Variants in PDE12 observed in about 807,000 individuals in gnomAD.
PDE12 encodes 2',5'-phosphodiesterase 12.
A neutral mutation model predicts 45.4 loss-of-function variants in PDE12; 26 were observed. That is an observed-to-expected ratio of 0.57 (90% CI 0.42 to 0.79). PDE12 has a LOEUF of 0.79. PDE12 is among the 30% of genes least tolerant of loss of function. The pLI, the probability that PDE12 is intolerant of heterozygous loss-of-function variation, is 0.00. For missense variants in PDE12, 668 were observed against 790.0 expected (o/e 0.85, Z 1.85); for synonymous variants, 283 against 323.9 (o/e 0.87, Z 1.36).
At chr3:57,605,618 C>T in the PDE12 span, among the ~76,000 whole-genome samples, 10 of 151,986 alleles carry the variant, frequency 6.6e-5, no homozygotes, top group South Asian at 4.2e-4. Flanking sequence ...TAGAACAAAC[C>T]GCACAAGGAT....
Position 57,560,849 on chromosome 3 carries a change from AGG to A in PDE12, c.*847_*848del. On this transcript the variant is annotated 3_prime_UTR_variant, in exon 3 of 3. Transcript: ENST00000311180. Reference sequence around the variant, plus strand: ...CTTGACACATGGAAGGAGTAACATTAGGGTCTACCTCTACCTCAATTTAGTTA... The same window carrying A: ...CTTGACACATGGAAGGAGTAACATTAGTCTACCTCTACCTCAATTTAGTTA... The A allele has an allele frequency of 5.1e-6, 5 of 985,360 alleles. No homozygotes were observed. Among genetic ancestry groups the A allele is most frequent in the Non-Finnish European group, 6.0e-6 (5 of 829,454 alleles). The allele number at this position is 985,360 out of a possible 1,614,324, so 61.0% of individuals were successfully genotyped here. A position where few individuals can be genotyped will look rare whatever the true frequency, so the allele number is the denominator to read the frequency against.
At chr3:57,616,378 G>A in the PDE12 span, among the ~76,000 whole-genome samples, 3 of 147,332 alleles carry the variant, frequency 2.0e-5, no homozygotes, top group African/African-American at 5.0e-5. Context: ...GGAGGCAGGG[G>A]GGAGGAGGAG....
At chr3:57,636,936 CAAAA>C in the PDE12 span, among the ~76,000 whole-genome samples, 2 of 52,004 alleles carry the variant, frequency 3.8e-5, no homozygotes, top group East Asian at 6.4e-4. Flanking sequence ...GACTCTGTCT[CAAAA>C]AAAAAAAAAA....
In PDE12 at chr3:57,560,471, G is replaced by A. The variant is rs1979074; in HGVS notation, c.*467G>A. ...TTCCCGAGTAGCTGGGATTACAGGC[G>A]TGCGCCAACATGTCTGGCTAATTTT... On this transcript the variant is annotated 3_prime_UTR_variant, in exon 3 of 3. Coordinates refer to ENST00000311180, the MANE Select transcript of PDE12 (RefSeq NM_177966.7). 0.41 allele frequency: 164,789 copies of A among 397,258 alleles called. 36,466 individuals are homozygous for A. Among genetic ancestry groups the A allele is most frequent in the Middle Eastern group, 0.56 (445 of 790 alleles). 24.6% of individuals were successfully genotyped at this position (397,258 alleles called of 1,614,324 possible). A position where few individuals can be genotyped will look rare whatever the true frequency, so the allele number is the denominator to read the frequency against.
chr3:57,607,652 C>T, the PDE12 span, among the ~76,000 whole-genome samples: 1 of 152,034 alleles, frequency 6.6e-6, no homozygotes, highest in Non-Finnish European at 1.5e-5. Flanking sequence ...AATGGAAGAT[C>T]ACATGAATGA....
chr3:57,583,288 T>C, the PDE12 span, among the ~76,000 whole-genome samples: 13 of 152,330 alleles, frequency 8.5e-5, no homozygotes, highest in East Asian at 2.5e-3. Context: ...ACCTGGATTA[T>C]ATCCCCTGAT....
chr3:57,614,901 G>A, the PDE12 span, among the ~76,000 whole-genome samples: 1 of 151,532 alleles, frequency 6.6e-6, no homozygotes, highest in East Asian at 2.0e-4. Context: ...GCTGAGGCAG[G>A]AGAATCGCTT....
Position 57,560,294 on chromosome 3 carries a change from A to C in PDE12, c.*290A>C. 8.6e-7 allele frequency: 1 copy of C among 1,162,994 alleles called. No individual in the cohort carries two copies. The highest frequency in any genetic ancestry group is 1.1e-6 in the Non-Finnish European group (1 of 942,284). The allele number at this position is 1,162,994 out of a possible 1,614,324, so 72.0% of individuals were successfully genotyped here. A position where few individuals can be genotyped will look rare whatever the true frequency, so the allele number is the denominator to read the frequency against. On this transcript the variant is annotated 3_prime_UTR_variant, in exon 3 of 3. Transcript: ENST00000311180. ...GAGACTCTCAGAAAAGGAAGATTGA[A>C]TTAGCGTGTTTTTTGTTTGTTTGTT...
At chr3:57,573,976 C>T in the PDE12 span, among the ~76,000 whole-genome samples, 1 of 151,862 alleles carries the variant, frequency 6.6e-6, no homozygotes, top group Non-Finnish European at 1.5e-5. Context: ...GAGTCTCGCT[C>T]TGTCACCCAG....
the PDE12 span, among the ~76,000 whole-genome samples, chr3:57,610,260 A>G: frequency 3.9e-5 from 6 of 152,172 alleles, no homozygotes; most frequent in Admixed American, 3.9e-4. Context: ...TATTTATGAC[A>G]AACCCACAGC....
At chr3:57,616,461 G>A in the PDE12 span, among the ~76,000 whole-genome samples, 20 of 150,264 alleles carry the variant, frequency 1.3e-4, no homozygotes, top group Non-Finnish European at 2.2e-4. Flanking sequence ...AGAGTAGGAG[G>A]AGGAGAAAGA....
At chr3:57,630,338 A>G in the PDE12 span, 1 of 1,244,522 alleles carries the variant, frequency 8.0e-7, no homozygotes. Flanking sequence ...GAGTGGATAA[A>G]GGGTACAATC....
At position 57,557,704 on chromosome 3, in the gene PDE12, C is replaced by G. The variant is rs771311956; in HGVS notation, c.1308+17C>G. On this transcript the variant is annotated intron_variant, in intron 1 of 2. Transcript: ENST00000311180. ...GTTCTTCAGGTAAAGTAGTTCCGCCCGTCTCTTCACATACTGTCCCACTTT... is the reference window on the plus strand; with the variant it reads ...GTTCTTCAGGTAAAGTAGTTCCGCCGGTCTCTTCACATACTGTCCCACTTT... The G allele has an allele frequency of 6.2e-7, 1 of 1,604,592 alleles. No homozygotes were observed. The highest frequency in any genetic ancestry group is 1.7e-5 in the Admixed American group (1 of 59,724).
At chr3:57,635,730 TATG>T in the PDE12 span, among the ~76,000 whole-genome samples, 1 of 152,182 alleles carries the variant, frequency 6.6e-6, no homozygotes, top group Non-Finnish European at 1.5e-5. Flanking sequence ...ATTTTAAGAG[TATG>T]TATTATGATA....
chr3:57,634,480 A>T, the PDE12 span: 1 of 793,176 alleles, frequency 1.3e-6, no homozygotes, highest in Non-Finnish European at 1.8e-6. Context: ...ATTAGTATAC[A>T]TAAAGGACAT....
At chr3:57,605,430 A>C in the PDE12 span, among the ~76,000 whole-genome samples, 1 of 152,152 alleles carries the variant, frequency 6.6e-6, no homozygotes, top group African/African-American at 2.4e-5. Flanking sequence ...TGGTTCTATC[A>C]ATCAGCCAGA....
the PDE12 span, among the ~76,000 whole-genome samples, chr3:57,598,752 G>T: frequency 6.6e-6 from 1 of 152,156 alleles, no homozygotes; most frequent in Non-Finnish European, 1.5e-5. Context: ...CTGCACTCCA[G>T]CCTGGGCGAC....
chr3:57,557,009 C>G lies in PDE12; in HGVS notation c.630C>G (p.Val210=). 1 of 1,614,142 alleles carries G rather than the reference C, an allele frequency of 6.2e-7. No individual in the cohort carries two copies. Among genetic ancestry groups the G allele is most frequent in the Non-Finnish European group, 8.5e-7 (1 of 1,180,016 alleles). ...EAKPGAAEPE[V]GVPSSLSPSS... ...AGCCCGGAGCGGCGGAGCCCGAGGT[C>G]GGTGTCCCCTCGTCATTGTCTCCCT... is the stretch of plus-strand genomic sequence containing the variant. Residue 210 remains valine, a synonymous_variant, in exon 1 of 3, where the codon GTC becomes GTG. Coordinates refer to ENST00000311180, the MANE Select transcript of PDE12 (RefSeq NM_177966.7).
In PDE12 at chr3:57,562,049, G is replaced by A. The variant is rs554820354; in HGVS notation, c.*2045G>A. 3.1e-6 allele frequency: 3 copies of A among 980,428 alleles called. No individual in the cohort carries two copies. The African/African-American group carries it at 5.2e-5, about 17-fold the overall frequency. 60.7% of individuals were successfully genotyped at this position (980,428 alleles called of 1,614,324 possible). A position where few individuals can be genotyped will look rare whatever the true frequency, so the allele number is the denominator to read the frequency against. On this transcript the variant is annotated 3_prime_UTR_variant, in exon 3 of 3. Coordinates refer to ENST00000311180, the MANE Select transcript of PDE12 (RefSeq NM_177966.7). ...ATTAAAACCAAATCTTGATTCTCTT[G>A]TGAATTTTTTTTTCATTTTAAAAAT... is the stretch of plus-strand genomic sequence containing the variant.
Sources: gnomAD v4.1 joint callset for allele counts (sites outside exome capture counted in the v4.1 genomes callset) on GRCh38, gnomAD v4.1.1 for gene constraint, MANE v1.5 for transcripts, NCBI Gene and HGNC (gene_info 2026-07-23, HGNC 2026-07-21) for gene names.